MON2: variants seen among roughly 807,000 people sequenced by gnomAD.
MON2 encodes the protein MON2 regulator of endosome-to-Golgi trafficking.
A neutral mutation model predicts 208.6 loss-of-function variants in MON2; 84 were observed. The observed-to-expected ratio is 0.40, with a 90% CI of 0.34 to 0.48. The LOEUF is 0.48. Among genes scored for constraint, MON2 ranks in the 20% least tolerant of loss-of-function variants. MON2 has a pLI of 0.59. For synonymous variants in MON2, 660 were observed against 694.0 expected, an observed-to-expected ratio of 0.95 and a Z score of 0.77; for missense variants, 1,611 against 2,015.4, an observed-to-expected ratio of 0.80 and a Z score of 3.84.
At chr12:62,481,462 C>T (rs2069431366) in intron 1 of MON2, among the ~76,000 whole-genome samples, 1 of 143,448 alleles carries the variant, frequency 7.0e-6, no homozygotes, top group Non-Finnish European at 1.5e-5. Flanking sequence ...GGAGGCGGAG[C>T]TTGCAGTGAG....
At position 62,566,096 on chromosome 12, in the gene MON2, T is replaced by A. The variant is rs1002344996; in HGVS notation, c.4194+65T>A. 24 of 1,520,190 alleles carry A rather than the reference T, an allele frequency of 1.6e-5. No individual in the cohort carries two copies. The African/African-American group carries it at 3.1e-4, about 19-fold the overall frequency. The allele number at this position is 1,520,190 out of a possible 1,614,324, so 94.2% of individuals were successfully genotyped here. A position where few individuals can be genotyped will look rare whatever the true frequency, so the allele number is the denominator to read the frequency against. The stretch of plus-strand genomic sequence containing the variant: ...ACAAATAAAGTACATCTTTCCCGGT[T>A]CTTGGTAGAATGCTGTATGTGCTTT... On this transcript the variant is annotated intron_variant, in intron 28 of 34. Transcript: ENST00000393630.
At chr12:62,579,750 A>G (rs1039422836) in intron 31 of MON2, among the ~76,000 whole-genome samples, 1 of 152,142 alleles carries the variant, frequency 6.6e-6, no homozygotes, top group Non-Finnish European at 1.5e-5. Context: ...AATAAAATAT[A>G]CATTTAAAAT....
At position 62,592,824 on chromosome 12, in the gene MON2, G is replaced by A; in HGVS notation, c.*75G>A. ...TCCTAATTGAGTCTTCTGTGAGAAG[G>A]ACATTTCTTACTGCAGATAATTCTT... On this transcript the variant is annotated 3_prime_UTR_variant, in exon 35 of 35. Transcript: ENST00000393630. 3 of 1,389,064 alleles carry A rather than the reference G, an allele frequency of 2.2e-6. No individual in the cohort carries two copies. Among genetic ancestry groups the A allele is most frequent in the Non-Finnish European group, 1.9e-6 (2 of 1,029,226 alleles). The allele number at this position is 1,389,064 out of a possible 1,614,324, so 86.0% of individuals were successfully genotyped here.
At chr12:62,577,355 C>T (rs2074831210) in intron 30 of MON2, among the ~76,000 whole-genome samples, 1 of 152,012 alleles carries the variant, frequency 6.6e-6, no homozygotes, top group Non-Finnish European at 1.5e-5. Flanking sequence ...AGATCTTGAA[C>T]ACCCAAGAAT....
In MON2 at chr12:62,534,548, T is replaced by A. The variant is rs1327222594; in HGVS notation, c.1634-297T>A. Among the ~76,000 whole-genome samples, 675 of 80,282 alleles carry A rather than the reference T, an allele frequency of 8.4e-3. 9 individuals carry two copies. Among genetic ancestry groups the A allele is most frequent in the Non-Finnish European group, 0.014 (566 of 39,894 alleles). The allele number at this position is 80,282 out of a possible 152,430, so 52.7% of individuals were successfully genotyped here. Reference sequence around the variant, plus strand: ...AAAAAAAAAAAAAAAAAAAAATATATATATATATATATATATATATTTTAT... The same window carrying A: ...AAAAAAAAAAAAAAAAAAAAATATAAATATATATATATATATATATTTTAT... On this transcript the variant is annotated intron_variant, in intron 12 of 34. Coordinates refer to ENST00000393630, the MANE Select transcript of MON2 (RefSeq NM_015026.3).
intron 7 of MON2, among the ~76,000 whole-genome samples, chr12:62,502,471 AAC>A (rs1431314982): frequency 6.6e-6 from 1 of 151,906 alleles, no homozygotes; most frequent in Non-Finnish European, 1.5e-5. Context: ...TTAGACATAT[AAC>A]AGTTTAGTGT....
intron 19 of MON2, among the ~76,000 whole-genome samples, chr12:62,539,992 A>G (rs1306961989): frequency 1.3e-5 from 2 of 152,302 alleles, no homozygotes; most frequent in South Asian, 2.1e-4. Flanking sequence ...AATATATATT[A>G]TAGTTTGTTC....
intron 22 of MON2, among the ~76,000 whole-genome samples, chr12:62,547,882 T>G (rs1476838929): frequency 1.3e-5 from 2 of 152,200 alleles, no homozygotes; most frequent in Non-Finnish European, 2.9e-5. Flanking sequence ...TAGTAGGTTA[T>G]ATCATCTAGG....
At chr12:62,504,890 G>A (rs763501386) in intron 7 of MON2, among the ~76,000 whole-genome samples, 3 of 152,170 alleles carry the variant, frequency 2.0e-5, no homozygotes, top group East Asian at 1.9e-4. Context: ...AATGAATAAC[G>A]GGACCAGACC....
At chr12:62,587,091 C>A (rs1186264597) in intron 33 of MON2, among the ~76,000 whole-genome samples, 2 of 152,016 alleles carry the variant, frequency 1.3e-5, no homozygotes, top group East Asian at 3.9e-4. Context: ...GGGATGAGGG[C>A]GGACCAGAGA....
rs559227748 is a variant in MON2 at position 62,555,825 on chromosome 12, A to T, written c.3211-169A>T. ...CTCCATCTAAAAAAAAAAAAAAAAA[A>T]AGAATGTATAATTACTCTATTGGTC... is the stretch of plus-strand genomic sequence containing the variant. On this transcript the variant is annotated intron_variant, in intron 24 of 34. Coordinates refer to ENST00000393630, the MANE Select transcript of MON2 (RefSeq NM_015026.3). Among the ~76,000 whole-genome samples, 23 of 151,764 alleles carry T rather than the reference A, an allele frequency of 1.5e-4. No individual in the cohort carries two copies. In the East Asian group the frequency reaches 4.3e-3, roughly 28 times the overall value.
intron 1 of MON2, among the ~76,000 whole-genome samples, chr12:62,479,303 A>G (rs914030176): frequency 1.3e-5 from 2 of 152,164 alleles, no homozygotes; most frequent in Non-Finnish European, 2.9e-5. Flanking sequence ...ATGTTGTAAT[A>G]TTTGCACATA....
intron 22 of MON2, among the ~76,000 whole-genome samples, chr12:62,548,429 G>A (rs1466418484): frequency 6.6e-6 from 1 of 152,132 alleles, no homozygotes; most frequent in Non-Finnish European, 1.5e-5. Flanking sequence ...GTAGGAGATT[G>A]CAGTGGAGAG....
intron 1 of MON2, among the ~76,000 whole-genome samples, chr12:62,467,993 T>C (rs1435064523): frequency 6.6e-6 from 1 of 151,750 alleles, no homozygotes; most frequent in Non-Finnish European, 1.5e-5. Flanking sequence ...TAAAGGATGG[T>C]TTTATATTAT....
At chr12:62,591,848 C>G (rs1267682076) in intron 34 of MON2, among the ~76,000 whole-genome samples, 1 of 152,094 alleles carries the variant, frequency 6.6e-6, no homozygotes, top group South Asian at 2.1e-4. Flanking sequence ...AGATTTGAGA[C>G]TTGTTTCACA....
At chr12:62,474,724 A>C (rs1245536556) in intron 1 of MON2, among the ~76,000 whole-genome samples, 1 of 152,182 alleles carries the variant, frequency 6.6e-6, no homozygotes, top group Non-Finnish European at 1.5e-5. Context: ...GCGGCCAGCC[A>C]GATAGAACTT....
intron 4 of MON2, among the ~76,000 whole-genome samples, chr12:62,498,419 A>C (rs2070655822): frequency 6.6e-6 from 1 of 152,292 alleles, no homozygotes; most frequent in Middle Eastern, 3.4e-3. Context: ...CCATAGTTTC[A>C]TGGGCCCACA....
rs752272766 is a variant in MON2, at chr12:62,580,397, A to G, written c.4676A>G (p.His1559Arg). The change falls in exon 32 of 35, where the codon CAT becomes CGT. Residue 1559 changes from histidine (H) to arginine (R), a missense_variant. Physicochemically the swap from His to Arg is conservative, Grantham distance 29. Coordinates refer to ENST00000393630, the MANE Select transcript of MON2 (RefSeq NM_015026.3). ...IMTMLNKGSIHSQSSSFTEAE... is the reference protein window; with the variant it reads ...IMTMLNKGSIRSQSSSFTEAE... ...ACAATGCTTAACAAGGGCTCAATAC[A>G]TTCTCAGTCATCTTCATTTACAGGT... 5 of 1,602,366 alleles carry G rather than the reference A, an allele frequency of 3.1e-6. No individual in the cohort carries two copies. Among genetic ancestry groups the G allele is most frequent in the Non-Finnish European group, 3.4e-6 (4 of 1,172,256 alleles).
intron 7 of MON2, among the ~76,000 whole-genome samples, chr12:62,505,934 A>G (rs967568140): frequency 6.6e-6 from 1 of 152,116 alleles, no homozygotes; most frequent in East Asian, 1.9e-4. Flanking sequence ...ATCTGATAAG[A>G]TGAAAACTGG....
Sources: allele counts gnomAD v4.1 joint callset (sites outside exome capture counted in the v4.1 genomes callset), GRCh38; gene constraint gnomAD v4.1.1; transcripts MANE v1.5; gene names NCBI Gene and HGNC (gene_info 2026-07-23, HGNC 2026-07-21).